The following CCDC68 variants were observed in gnomAD, a reference collection of about 807,000 sequenced individuals.
The protein encoded by CCDC68 is coiled-coil domain containing 68.
Under a neutral mutation model 47.1 loss-of-function variants are expected in CCDC68, and 45 were observed. The ratio of observed to expected loss-of-function variants is 0.96; its 90% CI spans 0.75 to 1.23. The LOEUF (loss-of-function observed/expected upper bound fraction) is 1.23, where lower values mean the gene tolerates loss of function less well. Ranked by LOEUF, CCDC68 falls within the 50% of genes most tolerant of loss-of-function variation. The pLI is 0.00. For synonymous variants in CCDC68, 131 were observed against 129.5 expected (o/e 1.01, Z -0.08); for missense variants, 353 against 373.6 (o/e 0.94, Z 0.45).
At chr18:54,929,522 G>A (rs576104714) in intron 7 of CCDC68, among the ~76,000 whole-genome samples, 6 of 152,128 alleles carry the variant, frequency 3.9e-5, no homozygotes, top group South Asian at 4.1e-4. Context: ...CATGAAAAAC[G>A]AAGCTGAGAT....
chr18:54,936,851 GTCC>G lies in CCDC68; in HGVS notation c.450_452del (p.Glu150del). ...TTGGTACCTGGAGTAATTGTTTACT[GTCC>G]TCCTGCTTCTTTCTCACTTCTTCAG... is the stretch of plus-strand genomic sequence containing the variant. On this transcript the variant is annotated inframe_deletion, in exon 6 of 12. Coordinates refer to ENST00000591504, the MANE Select transcript of CCDC68 (RefSeq NM_025214.3). The G allele has an allele frequency of 3.1e-6, 5 of 1,614,072 alleles. No homozygotes were observed. Among genetic ancestry groups the G allele is most frequent in the East Asian group, 2.2e-5 (1 of 44,880 alleles).
At chr18:54,953,091 C>A (rs1361415638) in intron 1 of CCDC68, among the ~76,000 whole-genome samples, 3 of 151,922 alleles carry the variant, frequency 2.0e-5, no homozygotes, top group African/African-American at 7.3e-5. Flanking sequence ...ACTGAAACAG[C>A]CAAATTCAAG....
chr18:54,925,882 A>T (rs560939701), intron 8 of CCDC68, among the ~76,000 whole-genome samples: 1 of 152,326 alleles, frequency 6.6e-6, no homozygotes, highest in African/African-American at 2.4e-5. Flanking sequence ...GGAAAGAATC[A>T]GCTTGGATGT....
intron 1 of CCDC68, among the ~76,000 whole-genome samples, chr18:54,946,986 C>T (rs2044539233): frequency 6.6e-6 from 1 of 152,148 alleles, no homozygotes; most frequent in Non-Finnish European, 1.5e-5. Flanking sequence ...TAACTGTATC[C>T]ATATGAAATT....
At chr18:54,927,547 C>A (rs1299192819) in intron 8 of CCDC68, among the ~76,000 whole-genome samples, 1 of 151,994 alleles carries the variant, frequency 6.6e-6, no homozygotes, top group Non-Finnish European at 1.5e-5. Context: ...AAAAGCTCTG[C>A]CTATTTAAGA....
At chr18:54,948,796 CA>C (rs534624847) in intron 1 of CCDC68, among the ~76,000 whole-genome samples, 190 of 152,202 alleles carry the variant, frequency 1.2e-3, no homozygotes, top group African/African-American at 4.4e-3. Flanking sequence ...AAAAGCTGAT[CA>C]GGGGACCAAG....
In CCDC68 at chr18:54,931,712, G is replaced by A. The variant is rs1442820887; in HGVS notation, c.601-2830C>T. 2.0e-5 allele frequency among the ~76,000 whole-genome samples: 3 copies of A among 152,270 alleles called. No individual in the cohort carries two copies. The East Asian group carries it at 5.8e-4, about 29-fold the overall frequency. On this transcript the variant is annotated intron_variant, in intron 7 of 11. Transcript: ENST00000591504. ...TGCACTGCTAGCAAACGGAACATAT[G>A]CCATATTAAAATGCTCTTATTGGGC...
At chr18:54,923,687 G>T (rs2044099357) in intron 8 of CCDC68, among the ~76,000 whole-genome samples, 1 of 150,742 alleles carries the variant, frequency 6.6e-6, no homozygotes, top group Non-Finnish European at 1.5e-5. Flanking sequence ...TTTGAGCTTT[G>T]TTATTTATCT....
intron 1 of CCDC68, among the ~76,000 whole-genome samples, chr18:54,958,510 C>T (rs906586884): frequency 6.6e-6 from 1 of 152,074 alleles, no homozygotes; most frequent in Non-Finnish European, 1.5e-5. Flanking sequence ...ACTATATACA[C>T]CAAGAAAGTA....
chr18:54,923,126 C>T (rs763512590), intron 8 of CCDC68, among the ~76,000 whole-genome samples: 8 of 151,946 alleles, frequency 5.3e-5, no homozygotes, highest in Non-Finnish European at 8.8e-5. Flanking sequence ...GAAAGAGCAG[C>T]TATGACCCAC....
At chr18:54,955,211 T>C (rs914978499) in intron 1 of CCDC68, among the ~76,000 whole-genome samples, 152 of 152,050 alleles carry the variant, frequency 1.0e-3, no homozygotes, top group African/African-American at 3.6e-3. Context: ...GTCCCAGCCA[T>C]ACAGGAGGCT....
Position 54,903,658 on chromosome 18 carries a change from G to T in CCDC68, c.*700C>A, listed in dbSNP as rs539684361. On this transcript the variant is annotated 3_prime_UTR_variant, in exon 12 of 12. Transcript: ENST00000591504. ...CATCCCTGTGCGTTTGTGTGTACAGGTTACCTCTAGAAACCAATTTTTAAT... is the reference window on the plus strand; with the variant it reads ...CATCCCTGTGCGTTTGTGTGTACAGTTTACCTCTAGAAACCAATTTTTAAT... 1.3e-4 allele frequency: 20 copies of T among 152,296 alleles called. No homozygotes were observed. Among genetic ancestry groups the T allele is most frequent in the African/African-American group, 4.3e-4 (18 of 41,562 alleles). 9.4% of individuals were successfully genotyped at this position (152,296 alleles called of 1,614,324 possible).
At position 54,904,084 on chromosome 18, in the gene CCDC68, ATTT is replaced by A. The variant is rs11298512; in HGVS notation, c.*271_*273del. On this transcript the variant is annotated 3_prime_UTR_variant, in exon 12 of 12. Coordinates refer to ENST00000591504, the MANE Select transcript of CCDC68 (RefSeq NM_025214.3). Reference sequence around the variant, plus strand: ...AAAAAAATCTGAAAACAAGATTCAGATTTTTTTTTTTTTTTAATTTAAAGCAGA... The same window carrying A: ...AAAAAAATCTGAAAACAAGATTCAGATTTTTTTTTTTTAATTTAAAGCAGA... 3,262 of 231,506 alleles carry A rather than the reference ATTT, an allele frequency of 0.014. No homozygotes were observed. The highest frequency in any genetic ancestry group is 0.021 in the Middle Eastern group (14 of 672). The allele number at this position is 231,506 out of a possible 1,614,324, so 14.3% of individuals were successfully genotyped here. A position where few individuals can be genotyped will look rare whatever the true frequency, so the allele number is the denominator to read the frequency against.
chr18:54,911,004 G>A (rs1040502487), intron 10 of CCDC68, among the ~76,000 whole-genome samples: 1 of 152,206 alleles, frequency 6.6e-6, no homozygotes, highest in African/African-American at 2.4e-5. Flanking sequence ...CCCAGTAGGG[G>A]TGGGGCTCTT....
rs1449990173 is a variant in CCDC68, at chr18:54,903,002, C to T, written c.*1356G>A. ...CCTAAATGTTAACAGATAAATATAC[C>T]TTCAAAATAAGCAAGCAATAAAAAT... On this transcript the variant is annotated 3_prime_UTR_variant, in exon 12 of 12. Coordinates refer to ENST00000591504, the MANE Select transcript of CCDC68 (RefSeq NM_025214.3). 3 of 152,032 alleles carry T rather than the reference C, an allele frequency of 2.0e-5. No individual in the cohort carries two copies. Among genetic ancestry groups the T allele is most frequent in the Non-Finnish European group, 4.4e-5 (3 of 67,990 alleles). 9.4% of individuals were successfully genotyped at this position (152,032 alleles called of 1,614,324 possible). A position where few individuals can be genotyped will look rare whatever the true frequency, so the allele number is the denominator to read the frequency against.
At chr18:54,913,264 A>G (rs1186173736) in intron 10 of CCDC68, among the ~76,000 whole-genome samples, 1 of 152,200 alleles carries the variant, frequency 6.6e-6, no homozygotes, top group East Asian at 1.9e-4. Context: ...AACAGAGACA[A>G]ACGATTTTAG....
chr18:54,907,708 T>C, intron 11 of CCDC68, 78 bp downstream of exon 11: 2 of 799,512 alleles, frequency 2.5e-6, no homozygotes, highest in Non-Finnish European at 4.4e-6. Flanking sequence ...CAGACTGGAA[T>C]CTTTCTTGAG....
At chr18:54,915,108 G>A (rs148571801) in intron 10 of CCDC68, among the ~76,000 whole-genome samples, 1 of 152,280 alleles carries the variant, frequency 6.6e-6, no homozygotes, top group East Asian at 1.9e-4. Context: ...TGAGAATGAT[G>A]CCAACTCTAA....
intron 1 of CCDC68, among the ~76,000 whole-genome samples, chr18:54,945,716 T>C (rs899367679): frequency 2.0e-5 from 3 of 152,246 alleles, no homozygotes; most frequent in African/African-American, 7.2e-5. Context: ...TATTAAATAT[T>C]TGTTTCCGCT....
Sources: allele counts gnomAD v4.1 joint callset (sites outside exome capture counted in the v4.1 genomes callset), GRCh38; gene constraint gnomAD v4.1.1; transcripts MANE v1.5; gene names NCBI Gene and HGNC (gene_info 2026-07-23, HGNC 2026-07-21).